Variants in CRACR2A observed in about 807,000 individuals in gnomAD.
The protein encoded by CRACR2A is EF-hand calcium-binding domain-containing protein 4B.
A neutral mutation model predicts 90.5 loss-of-function variants in CRACR2A; 79 were observed. The observed-to-expected ratio is 0.87, with a 90% CI of 0.73 to 1.05. CRACR2A has a LOEUF of 1.05. Among genes scored for constraint, CRACR2A ranks in the 50% least tolerant of loss-of-function variants. CRACR2A has a pLI of 0.00. For missense variants in CRACR2A, 823 were observed against 897.2 expected (o/e 0.92, Z 1.06); for synonymous variants, 338 against 356.7 (o/e 0.95, Z 0.59).
At chr12:3,646,153 A>T (rs1944682547) in intron 11 of CRACR2A, among the ~76,000 whole-genome samples, 1 of 152,240 alleles carries the variant, frequency 6.6e-6, no homozygotes, top group South Asian at 2.1e-4. Flanking sequence ...TCCAGGACTT[A>T]AAGTAGGAGC....
intron 10 of CRACR2A, among the ~76,000 whole-genome samples, chr12:3,649,673 G>T (rs918765303): frequency 2.1e-4 from 32 of 152,160 alleles, no homozygotes; most frequent in Admixed American, 2.0e-3. Context: ...AACTCAGGTG[G>T]GGAGGTAAGG....
chr12:3,711,949 T>C lies in CRACR2A; in HGVS notation c.-37+1288A>G, dbSNP rs1565498178. 1.3e-5 allele frequency among the ~76,000 whole-genome samples: 2 copies of C among 152,216 alleles called. No individual in the cohort carries two copies. Among genetic ancestry groups the C allele is most frequent in the African/African-American group, 2.4e-5 (1 of 41,462 alleles). On this transcript the variant is annotated intron_variant, in intron 3 of 19. Coordinates refer to ENST00000440314, the MANE Select transcript of CRACR2A (RefSeq NM_001144958.2). The surrounding 1 kb of genome is among the most constrained non-coding windows in gnomAD (Gnocchi z 4.3). ...GAGTTTGGATAGCATATTATTATCA[T>C]GGATTTTAGTGGCTGGTTGAAAATG...
At position 3,679,056 on chromosome 12, in the gene CRACR2A, G is replaced by C; in HGVS notation, c.383C>G (p.Ala128Gly). 1 of 1,613,144 alleles carries C rather than the reference G, an allele frequency of 6.2e-7. No individual in the cohort carries two copies. The highest frequency in any genetic ancestry group is 8.5e-7 in the Non-Finnish European group (1 of 1,179,668). Residue 128 changes from alanine (A) to glycine (G), a missense_variant, in exon 6 of 20, where the codon GCA becomes GGA. Ala to Gly is a moderately conservative substitution (Grantham distance 60, BLOSUM62 0). Coordinates refer to ENST00000440314, the MANE Select transcript of CRACR2A (RefSeq NM_001144958.2). The part of the protein sequence containing the change: ...FSQNNPSQED[A>G]GEQVAQRHEE... ...ATGGCGCTGGGCCACCTGTTCACCTGCATCTTCCTGACTTGGGTTATTCTG... is the reference window on the plus strand; with the variant it reads ...ATGGCGCTGGGCCACCTGTTCACCTCCATCTTCCTGACTTGGGTTATTCTG...
At chr12:3,679,241 C>A in intron 5 of CRACR2A, 143 bp from the exon 6 acceptor site, 2 of 778,608 alleles carry the variant, frequency 2.6e-6, no homozygotes, top group Non-Finnish European at 2.0e-6. Flanking sequence ...GATCCATGGA[C>A]ATGGGTCCGT....
intron 15 of CRACR2A, among the ~76,000 whole-genome samples, chr12:3,628,149 CCT>C (rs1207200694): frequency 2.0e-5 from 3 of 150,462 alleles, no homozygotes; most frequent in Non-Finnish European, 4.4e-5. Context: ...TTCCTCCCTC[CCT>C]CTCCCCCAAC....
chr12:3,700,985 G>A (rs774041753), intron 3 of CRACR2A, among the ~76,000 whole-genome samples: 18 of 152,048 alleles, frequency 1.2e-4, no homozygotes, highest in African/African-American at 4.3e-4. Flanking sequence ...AAATTTAAAA[G>A]AATTCAGTTT....
chr12:3,643,756 C>T (rs1944617500), intron 12 of CRACR2A, among the ~76,000 whole-genome samples: 1 of 89,190 alleles, frequency 1.1e-5, no homozygotes, highest in Non-Finnish European at 2.0e-5. Flanking sequence ...CATATATATG[C>T]ACACAGACTA....
intron 7 of CRACR2A, among the ~76,000 whole-genome samples, chr12:3,665,153 G>C (rs553538030): frequency 5.4e-4 from 82 of 152,342 alleles, no homozygotes; most frequent in African/African-American, 2.0e-3. Flanking sequence ...AAGAGTGAGG[G>C]CAAGAGACAT....
At chr12:3,740,442 G>A (rs56229742) in intron 1 of CRACR2A, among the ~76,000 whole-genome samples, 1,920 of 152,158 alleles carry the variant, frequency 0.013, 28 homozygotes, top group African/African-American at 0.039. Context: ...CTGGGGTGGC[G>A]TCCTTACTCG....
intron 9 of CRACR2A, 124 bp downstream of exon 9, chr12:3,656,187 A>G (rs1465217824): frequency 1.2e-6 from 1 of 855,104 alleles, no homozygotes; most frequent in Admixed American, 2.1e-5. Flanking sequence ...TTGCGCGACT[A>G]AATAGTTCTT....
At position 3,654,294 on chromosome 12, in the gene CRACR2A, T is replaced by C; in HGVS notation, c.964A>G (p.Thr322Ala). ...TGAGCATCCTGGAGCTCCCAGGAAG[T>C]CCGCTCCAGCTCCCGGGCCAGCTCC... Reference protein sequence around the residue: ...NQELARELERTSWELQDAQQQ... With the variant: ...NQELARELERASWELQDAQQQ... Residue 322 changes from threonine (T) to alanine (A), a missense_variant, in exon 10 of 20, where the codon ACT becomes GCT. Thr to Ala is a moderately conservative substitution (Grantham distance 58). Transcript: ENST00000440314. The C allele has an allele frequency of 6.2e-7, 1 of 1,613,940 alleles. No homozygotes were observed. Among genetic ancestry groups the C allele is most frequent in the Non-Finnish European group, 8.5e-7 (1 of 1,179,966 alleles).
Position 3,684,958 on chromosome 12 carries a change from C to T in CRACR2A, c.229-4609G>A, listed in dbSNP as rs572472851. On this transcript the variant is annotated intron_variant, in intron 4 of 19. Coordinates refer to ENST00000440314, the MANE Select transcript of CRACR2A (RefSeq NM_001144958.2). ...GCCAGATTAAGTAGCCAAGACAGGG[C>T]GGACAGTGTGAGAAAGCTGTTGATG... Among the ~76,000 whole-genome samples the T allele has an allele frequency of 7.0e-4, 106 of 152,314 alleles. 1 individual carries two copies. The highest frequency in any genetic ancestry group is 3.4e-3 in the Middle Eastern group (1 of 294).
intron 17 of CRACR2A, among the ~76,000 whole-genome samples, chr12:3,621,860 GA>G (rs1194108477): frequency 6.6e-6 from 1 of 151,834 alleles, no homozygotes; most frequent in Non-Finnish European, 1.5e-5. Context: ...CGATAAAGGA[GA>G]AACAGACTCA....
intron 4 of CRACR2A, among the ~76,000 whole-genome samples, chr12:3,694,616 G>T (rs1945706687): frequency 1.3e-5 from 2 of 152,120 alleles, no homozygotes; most frequent in Admixed American, 6.5e-5. Context: ...AGAACCGGGG[G>T]GCATGGGGAC....
chr12:3,704,943 G>A (rs1221416777), intron 3 of CRACR2A, among the ~76,000 whole-genome samples: 2 of 152,192 alleles, frequency 1.3e-5, no homozygotes, highest in Non-Finnish European at 2.9e-5. Context: ...AAGACCAGTG[G>A]AAAACAAAAC....
At chr12:3,713,373 G>T in intron 2 of CRACR2A, 56 bp from the exon 3 acceptor site, 1 of 925,264 alleles carries the variant, frequency 1.1e-6, no homozygotes, top group Non-Finnish European at 1.3e-6. Context: ...GGTTACAACA[G>T]AAGTGGCTTT....
chr12:3,682,847 A>G (rs1421310253), intron 4 of CRACR2A, among the ~76,000 whole-genome samples: 1 of 150,214 alleles, frequency 6.7e-6, no homozygotes, highest in African/African-American at 2.5e-5. Context: ...GAGTAATGTG[A>G]TCTCAGCTCA....
chr12:3,638,543 AC>A, intron 13 of CRACR2A, 89 bp from the exon 14 acceptor site: 1 of 1,383,340 alleles, frequency 7.2e-7, no homozygotes, highest in South Asian at 1.5e-5. Context: ...ACGAACAGAT[AC>A]CCAAGGAGCA....
intron 2 of CRACR2A, among the ~76,000 whole-genome samples, chr12:3,715,149 G>A (rs1309841126): frequency 6.6e-6 from 1 of 152,254 alleles, no homozygotes; most frequent in Non-Finnish European, 1.5e-5. Context: ...GGGTGCATGG[G>A]ATATGGCGAA....
Sources: gnomAD v4.1 joint callset for allele counts (sites outside exome capture counted in the v4.1 genomes callset) on GRCh38, gnomAD v4.1.1 for gene constraint, Gnocchi (gnomAD v3.1) non-coding constraint, MANE v1.5 for transcripts, NCBI Gene and HGNC (gene_info 2026-07-23, HGNC 2026-07-21) for gene names.